Variants in PROX2 observed in about 807,000 individuals in gnomAD.
The protein encoded by PROX2 is prospero homeobox protein 2.
A neutral mutation model predicts 48.9 loss-of-function variants in PROX2; 46 were observed. That is an observed-to-expected ratio of 0.94 (90% CI 0.74 to 1.20). The LOEUF (loss-of-function observed/expected upper bound fraction) is 1.20. Ranked by LOEUF, PROX2 falls within the 50% of genes most tolerant of loss-of-function variation. PROX2 has a pLI of 0.00. For synonymous variants in PROX2, 260 were observed against 276.6 expected, an observed-to-expected ratio of 0.94 and a Z score of 0.60; for missense variants, 663 against 719.4, an observed-to-expected ratio of 0.92 and a Z score of 0.90.
chr14:74,870,541 T>C (rs912445923), intron 2 of PROX2, among the ~76,000 whole-genome samples: 6 of 151,758 alleles, frequency 4.0e-5, no homozygotes, highest in African/African-American at 1.5e-4. Flanking sequence ...GTAATTTTTT[T>C]CTCTATTTTT....
chr14:74,858,510 T>G lies in PROX2; in HGVS notation c.1310A>C (p.Gln437Pro). 6.5e-7 allele frequency: 1 copy of G among 1,543,558 alleles called. No individual in the cohort carries two copies. Among genetic ancestry groups the G allele is most frequent in the Non-Finnish European group, 8.8e-7 (1 of 1,133,330 alleles). ...EALPFSLVHI[Q>P]EGLNPGHLKK... is the part of the protein sequence containing the mutation. ...CAAGTGACCAGGGTTTAGACCCTCC[T>G]GGATTTATCTCAGTGTCAAGGAAAA... Residue 437 changes from glutamine to proline, a missense_variant, in exon 4 of 6, where the codon CAG (glutamine) becomes CCG (proline). By Grantham distance (76) the Gln-to-Pro change is moderately conservative. Coordinates refer to ENST00000556489, the MANE Select transcript of PROX2 (RefSeq NM_001243007.2).
Position 74,858,465 on chromosome 14 carries a change from A to C in PROX2, c.1355T>G (p.Phe452Cys). ...GGAGCTGGGATATCGTGTGAAGAAAAACATTAGTTTGGCCTTCTTCAAGTG... is the reference window on the plus strand; with the variant it reads ...GGAGCTGGGATATCGTGTGAAGAAACACATTAGTTTGGCCTTCTTCAAGTG... Reference protein sequence around the residue: ...PGHLKKAKLMFFFTRYPSSNL... With the variant: ...PGHLKKAKLMCFFTRYPSSNL... The change falls in exon 4 of 6, where the codon TTT becomes TGT. Residue 452 changes from phenylalanine to cysteine, a missense_variant. Coordinates refer to ENST00000556489, the MANE Select transcript of PROX2 (RefSeq NM_001243007.2). 1 of 1,587,470 alleles carries C rather than the reference A, an allele frequency of 6.3e-7. No individual in the cohort carries two copies. Among genetic ancestry groups the C allele is most frequent in the Non-Finnish European group, 8.6e-7 (1 of 1,165,740 alleles).
At position 74,864,288 on chromosome 14, in the gene PROX2, T is replaced by A. The variant is rs1277101265; in HGVS notation, c.-174-280A>T. The stretch of plus-strand genomic sequence containing the variant: ...TAAAATAATAATAATAATAATAATA[T>A]CGTAGTGGCAGCCGCCTGAACAACT... On this transcript the variant is annotated intron_variant, in intron 2 of 5. Transcript: ENST00000556489. Among the ~76,000 whole-genome samples, 6 of 150,716 alleles carry A rather than the reference T, an allele frequency of 4.0e-5. 1 individual carries two copies. The highest frequency in any genetic ancestry group is 8.8e-5 in the Non-Finnish European group (6 of 68,012).
Position 74,863,912 on chromosome 14 carries a change from C to T in PROX2, c.-78G>A. The T allele has an allele frequency of 7.1e-7, 1 of 1,410,058 alleles. No individual in the cohort carries two copies. 87.3% of individuals were successfully genotyped at this position (1,410,058 alleles called of 1,614,324 possible). On this transcript the variant is annotated 5_prime_UTR_variant, in exon 3 of 6. Coordinates refer to ENST00000556489, the MANE Select transcript of PROX2 (RefSeq NM_001243007.2). ...GGAAGTGCACCCAGAATGCGCTGGG[C>T]TTCCTCCTCTGCACTTAGAAGGGTA... is the stretch of plus-strand genomic sequence containing the variant.
chr14:74,863,890 A>G lies in PROX2; in HGVS notation c.-56T>C, dbSNP rs184658739. 11 of 1,436,078 alleles carry G rather than the reference A, an allele frequency of 7.7e-6. No homozygotes were observed. Among genetic ancestry groups the G allele is most frequent in the Non-Finnish European group, 1.0e-5 (11 of 1,102,888 alleles). 89.0% of individuals were successfully genotyped at this position (1,436,078 alleles called of 1,614,324 possible). ...CCTCCTCCTTATTTCCTCAGCTGGAAGTGCACCCAGAATGCGCTGGGCTTC... is the reference window on the plus strand; with the variant it reads ...CCTCCTCCTTATTTCCTCAGCTGGAGGTGCACCCAGAATGCGCTGGGCTTC... On this transcript the variant is annotated 5_prime_UTR_variant, in exon 3 of 6. Transcript: ENST00000556489.
rs1247261999 is a variant in PROX2 at position 74,862,893 on chromosome 14, G to C, written c.942C>G (p.Tyr314Ter). Residue 314 changes from tyrosine (Y) to a stop codon, truncating the protein, a stop_gained, in exon 3 of 6, where the codon TAC becomes TAG. Transcript: ENST00000556489. LOFTEE classifies it high-confidence loss of function. ...TGGGGGTCATTCTTGGAGGGATAGG[G>C]TACCTAGGAGAATCTAGACGCTTGG... ...SLAKRLDSPR[Y>*]PIPPRMTPKP... 6.2e-7 allele frequency: 1 copy of C among 1,613,844 alleles called. No homozygotes were observed. The highest frequency in any genetic ancestry group is 2.2e-5 in the East Asian group (1 of 44,886).
chr14:74,871,392 C>T (rs1883211347), intron 1 of PROX2, among the ~76,000 whole-genome samples, 155 bp from the exon 2 acceptor site: 3 of 152,050 alleles, frequency 2.0e-5, no homozygotes, highest in Non-Finnish European at 4.4e-5. Context: ...GCATAGAACA[C>T]AGGGCTTATA....
rs371357776 is a variant in PROX2, at chr14:74,869,023, A to G, written c.-175+2080T>C. Reference sequence around the variant, plus strand: ...TATTGTGGAATTCACATCTGGATCCAATAAGTTAACACATGTTATATTTTT... The same window carrying G: ...TATTGTGGAATTCACATCTGGATCCGATAAGTTAACACATGTTATATTTTT... On this transcript the variant is annotated intron_variant, in intron 2 of 5. Transcript: ENST00000556489. Among the ~76,000 whole-genome samples the G allele has an allele frequency of 8.5e-4, 129 of 152,310 alleles. 4 individuals are homozygous for G. The South Asian group carries it at 0.026, about 31-fold the overall frequency.
At position 74,864,559 on chromosome 14, in the gene PROX2, C is replaced by T. The variant is rs186790048; in HGVS notation, c.-174-551G>A. On this transcript the variant is annotated intron_variant, in intron 2 of 5. Coordinates refer to ENST00000556489, the MANE Select transcript of PROX2 (RefSeq NM_001243007.2). ...AAGGCACTTCTAGAAATAGCAAATT[C>T]GGCAGGGTGCGGTGGCTCACGCCTG... is the stretch of plus-strand genomic sequence containing the variant. 2.8e-3 allele frequency among the ~76,000 whole-genome samples: 432 copies of T among 152,286 alleles called. 8 individuals carry two copies. The South Asian group carries it at 0.03, about 11-fold the overall frequency.
intron 1 of PROX2, chr14:74,871,982 C>T (rs1044442266): frequency 1.3e-5 from 2 of 152,218 alleles, no homozygotes; most frequent in African/African-American, 4.8e-5. Context: ...CGAAGCTCTG[C>T]CCAAGTGGGA....
chr14:74,858,778 T>TTGTGTGTGTGTG lies in PROX2; in HGVS notation c.1306-276_1306-265dup, dbSNP rs3083647. 618 of 214,542 alleles carry TTGTGTGTGTGTG rather than the reference T, an allele frequency of 2.9e-3. 16 individuals are homozygous for TTGTGTGTGTGTG. Among genetic ancestry groups the TTGTGTGTGTGTG allele is most frequent in the East Asian group, 0.012 (97 of 8,340 alleles). The allele number at this position is 214,542 out of a possible 1,614,324, so 13.3% of individuals were successfully genotyped here. A position where few individuals can be genotyped will look rare whatever the true frequency, so the allele number is the denominator to read the frequency against. ...GATGTCAAATACAGGTTGGTGTATT[T>TTGTGTGTGTGTG]TGTGTGTGTGTGTGTGTGTGTGTGT... On this transcript the variant is annotated intron_variant, in intron 3 of 5. Coordinates refer to ENST00000556489, the MANE Select transcript of PROX2 (RefSeq NM_001243007.2).
At chr14:74,856,069 T>C (rs1248444957) in intron 5 of PROX2, 1 of 152,250 alleles carries the variant, frequency 6.6e-6, no homozygotes, top group Non-Finnish European at 1.5e-5. Flanking sequence ...AACCACTCTT[T>C]GTGATCACAG....
intron 1 of PROX2, among the ~76,000 whole-genome samples, 58 bp downstream of exon 1, chr14:74,875,837 T>C (rs1883329946): frequency 6.6e-6 from 1 of 152,200 alleles, no homozygotes; most frequent in Admixed American, 6.5e-5. Context: ...TTCATAATGT[T>C]CCATAATTTT....
rs1219360535 is a variant in PROX2, at chr14:74,863,985, C to T, written c.-151G>A. On this transcript the variant is annotated 5_prime_UTR_variant, in exon 3 of 6. Coordinates refer to ENST00000556489, the MANE Select transcript of PROX2 (RefSeq NM_001243007.2). ...GGATTCAGATTCTGGGATGCCAGGG[C>T]TCATGAACCTCCTGGGCAGACTCCT... The T allele has an allele frequency of 2.1e-6, 2 of 956,630 alleles. No homozygotes were observed. The highest frequency in any genetic ancestry group is 2.8e-6 in the Non-Finnish European group (2 of 721,750). 59.3% of individuals were successfully genotyped at this position (956,630 alleles called of 1,614,324 possible).
chr14:74,863,606 G>A lies in PROX2; in HGVS notation c.229C>T (p.Leu77Phe). The A allele has an allele frequency of 6.2e-7, 1 of 1,608,060 alleles. No homozygotes were observed. The highest frequency in any genetic ancestry group is 8.5e-7 in the Non-Finnish European group (1 of 1,176,958). Residue 77 changes from leucine (L) to phenylalanine (F), a missense_variant, in exon 3 of 6, where the codon CTC (leucine) becomes TTC (phenylalanine). Coordinates refer to ENST00000556489, the MANE Select transcript of PROX2 (RefSeq NM_001243007.2). ...RVETIVRGMC[L>F]SPNPLVPGNA... Reference sequence around the variant, plus strand: ...CCTGGCACCAGAGGATTCGGGGAGAGACACATGCCTCGGACAATGGTCTCC... The same window carrying A: ...CCTGGCACCAGAGGATTCGGGGAGAAACACATGCCTCGGACAATGGTCTCC...
chr14:74,856,486 G>C (rs1163824615), intron 5 of PROX2: 1 of 272,036 alleles, frequency 3.7e-6, no homozygotes, highest in Non-Finnish European at 7.0e-6. Context: ...GAGCCTCCTG[G>C]CACTAAGGCA....
rs752781444 is a variant in PROX2 at position 74,855,348 on chromosome 14, G to A, written c.1609-46C>T. The A allele has an allele frequency of 2.1e-6, 3 of 1,463,076 alleles. No homozygotes were observed. The African/African-American group carries it at 4.2e-5, about 21-fold the overall frequency. The allele number at this position is 1,463,076 out of a possible 1,614,324, so 90.6% of individuals were successfully genotyped here. A position where few individuals can be genotyped will look rare whatever the true frequency, so the allele number is the denominator to read the frequency against. The stretch of plus-strand genomic sequence containing the variant: ...ACAAGAAAGAAAAGACGTGAGGTTG[G>A]GAAGCACTGGTGCCAGAGCCCTCAC... On this transcript the variant is annotated intron_variant, in intron 5 of 5. Coordinates refer to ENST00000556489, the MANE Select transcript of PROX2 (RefSeq NM_001243007.2).
At chr14:74,865,544 T>TAATA (rs1883032992) in intron 2 of PROX2, among the ~76,000 whole-genome samples, 1 of 152,102 alleles carries the variant, frequency 6.6e-6, no homozygotes, top group South Asian at 2.1e-4. Flanking sequence ...TTCTAACTAA[T>TAATA]AATAATCATT....
chr14:74,864,585 T>C (rs1171182700), intron 2 of PROX2, among the ~76,000 whole-genome samples: 1 of 152,216 alleles, frequency 6.6e-6, no homozygotes, highest in Non-Finnish European at 1.5e-5. Context: ...CTCACGCCTG[T>C]AATCCCAGCA....
Sources: gnomAD v4.1 joint callset for allele counts (sites outside exome capture counted in the v4.1 genomes callset) on GRCh38, gnomAD v4.1.1 for gene constraint, MANE v1.5 for transcripts, NCBI Gene and HGNC (gene_info 2026-07-23, HGNC 2026-07-21) for gene names.